The following RELN variants were observed in gnomAD, a reference collection of about 807,000 sequenced individuals.
RELN encodes the protein reelin.
A neutral mutation model predicts 427.6 loss-of-function variants in RELN; 108 were observed. The observed-to-expected ratio is 0.25, with a 90% CI of 0.22 to 0.30. The LOEUF (loss-of-function observed/expected upper bound fraction) is 0.30, where lower values mean the gene tolerates loss of function less well. Among genes scored for constraint, RELN ranks in the 10% least tolerant of loss-of-function variants. The probability of loss-of-function intolerance (pLI) is 1.00; values close to 1 mark genes in which losing one functional copy is unlikely to be tolerated. For synonymous variants in RELN, 1,524 were observed against 1,513.4 expected (o/e 1.01, Z -0.16); for missense variants, 3,715 against 4,302.8 (o/e 0.86, Z 3.82).
At chr7:103,948,437 C>T (rs1047621243) in intron 1 of RELN, among the ~76,000 whole-genome samples, 1 of 152,006 alleles carries the variant, frequency 6.6e-6, no homozygotes, top group African/African-American at 2.4e-5. Flanking sequence ...CTTTGGGAGG[C>T]CAAGGCAGGT....
At chr7:103,523,677 ATTC>A (rs1328241435) in intron 46 of RELN, 146 bp from the exon 47 acceptor site, 4 of 833,982 alleles carry the variant, frequency 4.8e-6, no homozygotes, top group South Asian at 1.7e-5. Flanking sequence ...TTATTACAAT[ATTC>A]TTCTTTTCTT....
At chr7:103,548,284 T>C (rs362769) in intron 41 of RELN, among the ~76,000 whole-genome samples, 147,460 of 152,328 alleles carry the variant, frequency 0.97, 71,410 homozygotes, top group Middle Eastern at 1. Flanking sequence ...TTGTGTGTAT[T>C]TCGTGTCCAA....
chr7:103,787,526 C>A (rs1792048383), intron 3 of RELN, among the ~76,000 whole-genome samples: 1 of 152,108 alleles, frequency 6.6e-6, no homozygotes, highest in South Asian at 2.1e-4. Flanking sequence ...CACAGAAATA[C>A]AAACTACCAT....
chr7:103,730,688 G>C (rs1021118309), intron 6 of RELN, among the ~76,000 whole-genome samples: 1 of 152,106 alleles, frequency 6.6e-6, no homozygotes, highest in East Asian at 1.9e-4. Context: ...CTGTGTGGTT[G>C]CTACCTCCAG....
chr7:103,701,482 G>T (rs1028359045), intron 8 of RELN, among the ~76,000 whole-genome samples: 4 of 151,982 alleles, frequency 2.6e-5, no homozygotes, highest in Non-Finnish European at 5.9e-5. Flanking sequence ...ATACTGTAAA[G>T]AAAATTCAAA....
chr7:103,816,994 A>G (rs1184128714), intron 3 of RELN, among the ~76,000 whole-genome samples: 1 of 151,926 alleles, frequency 6.6e-6, no homozygotes, highest in Non-Finnish European at 1.5e-5. Flanking sequence ...TGGGACTATA[A>G]GAGTGCACCA....
chr7:103,495,917 A>T lies in RELN; in HGVS notation c.9194-19T>A. 6.2e-7 allele frequency: 1 copy of T among 1,613,028 alleles called. No homozygotes were observed. The highest frequency in any genetic ancestry group is 8.5e-7 in the Non-Finnish European group (1 of 1,179,236). ...GTGCCTTCTGTTAAGGAAAATTGGA[A>T]GCAATATGGCATATTATTCTCTTGA... On this transcript the variant is annotated intron_variant, in intron 56 of 64. Transcript: ENST00000428762.
At chr7:103,931,313 T>G (rs1171210154) in intron 1 of RELN, among the ~76,000 whole-genome samples, 1 of 152,194 alleles carries the variant, frequency 6.6e-6, no homozygotes, top group African/African-American at 2.4e-5. Context: ...CCTTTTCCTC[T>G]CAATCTCTTC....
At chr7:103,595,068 T>C (rs1394909443) in intron 25 of RELN, among the ~76,000 whole-genome samples, 2 of 152,182 alleles carry the variant, frequency 1.3e-5, no homozygotes, top group African/African-American at 2.4e-5. Context: ...TACATTCTCA[T>C]GTTAGTAAAA....
intron 20 of RELN, among the ~76,000 whole-genome samples, chr7:103,617,947 C>T (rs1832122408): frequency 6.6e-6 from 1 of 152,158 alleles, no homozygotes; most frequent in South Asian, 2.1e-4. Context: ...ACCATGTCAT[C>T]TCTGTACCCA....
intron 4 of RELN, among the ~76,000 whole-genome samples, chr7:103,770,882 C>T (rs1349329739): frequency 1.3e-5 from 2 of 151,526 alleles, no homozygotes; most frequent in African/African-American, 4.9e-5. Context: ...CTAAAACCAC[C>T]CTCATTTTCA....
chr7:103,801,103 A>C (rs1184779126), intron 3 of RELN, among the ~76,000 whole-genome samples: 1 of 152,192 alleles, frequency 6.6e-6, no homozygotes, highest in African/African-American at 2.4e-5. Context: ...GAGGAGGTGG[A>C]GAAATAGGAA....
At chr7:103,482,797 T>TTAA in intron 63 of RELN, 76 bp downstream of exon 63, 1 of 1,610,354 alleles carries the variant, frequency 6.2e-7, no homozygotes, top group South Asian at 1.1e-5. Context: ...TCTTACTGAA[T>TTAA]TAAGGGTCAT....
chr7:103,595,692 AC>A (rs1831520482), intron 25 of RELN, among the ~76,000 whole-genome samples: 1 of 152,128 alleles, frequency 6.6e-6, no homozygotes, highest in Non-Finnish European at 1.5e-5. Flanking sequence ...TAGTCAACAT[AC>A]AAAAAATTAT....
chr7:103,641,102 T>C (rs1222283446), intron 16 of RELN, among the ~76,000 whole-genome samples: 3 of 152,218 alleles, frequency 2.0e-5, no homozygotes, highest in African/African-American at 7.2e-5. Flanking sequence ...AAGAATATGT[T>C]GTTGAGCCTA....
chr7:103,766,102 C>T lies in RELN; in HGVS notation c.544+10455G>A, dbSNP rs138869800. On this transcript the variant is annotated intron_variant, in intron 4 of 64. Coordinates refer to ENST00000428762, the MANE Select transcript of RELN (RefSeq NM_005045.4). ...TAGCCCCAGGAGGGCTTTAGTGTGT[C>T]GCTTTGTTGGGTAGTTTGTAAGACC... is the stretch of plus-strand genomic sequence containing the variant. 1.5e-3 allele frequency among the ~76,000 whole-genome samples: 234 copies of T among 152,208 alleles called. 1 individual carries two copies. Among genetic ancestry groups the T allele is most frequent in the African/African-American group, 5.2e-3 (218 of 41,534 alleles).
At chr7:103,634,921 C>A (rs1832544586) in intron 19 of RELN, among the ~76,000 whole-genome samples, 1 of 151,706 alleles carries the variant, frequency 6.6e-6, no homozygotes, top group Admixed American at 6.6e-5. Flanking sequence ...TACAATGGTG[C>A]AATCTCGGCT....
At chr7:103,794,419 C>G (rs145980061) in intron 3 of RELN, among the ~76,000 whole-genome samples, 377 of 152,296 alleles carry the variant, frequency 2.5e-3, no homozygotes, top group African/African-American at 8.5e-3. Flanking sequence ...TTTCCCCAAC[C>G]AAAGACCCTT....
In RELN at chr7:103,566,271, A is replaced by G. The variant is rs771169539; in HGVS notation, c.4889T>C (p.Ile1630Thr). 3.7e-6 allele frequency: 6 copies of G among 1,614,082 alleles called. No individual in the cohort carries two copies. The South Asian group carries it at 6.6e-5, about 18-fold the overall frequency. ...AGCAGTATCCATAGAGAGACAGTCA[A>G]TATCAACTTGACCTCCTTGGATTCG... ...WYRIQGGQVD[I>T]DCLSMDTALI... Residue 1630 changes from isoleucine to threonine, a missense_variant, in exon 33 of 65, where the codon ATT becomes ACT. Transcript: ENST00000428762.
Sources: gnomAD v4.1 joint callset for allele counts (sites outside exome capture counted in the v4.1 genomes callset) on GRCh38, gnomAD v4.1.1 for gene constraint, MANE v1.5 for transcripts, NCBI Gene and HGNC (gene_info 2026-07-23, HGNC 2026-07-21) for gene names.